The following CTNNA3 variants were observed in gnomAD, a reference collection of about 807,000 sequenced individuals.
CTNNA3 encodes the protein catenin alpha 3.
CTNNA3 carries 76 observed loss-of-function variants against 95.7 expected under a neutral mutation model. The ratio of observed to expected loss-of-function variants is 0.79; its 90% confidence interval spans 0.66 to 0.96. CTNNA3 has a LOEUF of 0.96. CTNNA3 is among the 40% of genes least tolerant of loss of function. CTNNA3 has a pLI of 0.00. For missense variants in CTNNA3, 1,191 were observed against 1,089.8 expected (o/e 1.09, Z -1.31); for synonymous variants, 431 against 374.4 (o/e 1.15, Z -1.74).
At chr10:66,767,443 C>CCACT (rs1204852898) in intron 8 of CTNNA3, among the ~76,000 whole-genome samples, 1 of 120,046 alleles carries the variant, frequency 8.3e-6, no homozygotes, top group Non-Finnish European at 1.7e-5. Context: ...GAGACTCCAT[C>CCACT]CACTCCCCCC....
chr10:66,733,195 T>C (rs1849019081), intron 9 of CTNNA3, among the ~76,000 whole-genome samples: 1 of 152,204 alleles, frequency 6.6e-6, no homozygotes, highest in Admixed American at 6.5e-5. Context: ...ACAAATATCT[T>C]CTTTCTTTGC....
Position 67,004,842 on chromosome 10 carries a change from T to C in CTNNA3, c.1047+175475A>G, listed in dbSNP as rs1851880539. On this transcript the variant is annotated intron_variant, in intron 7 of 17. Transcript: ENST00000433211. ...CTTTGTTTAAACATATACAACTATG[T>C]ATGTTCAGTCTGACAAAGCCACCAC... Among the ~76,000 whole-genome samples the C allele has an allele frequency of 5.3e-5, 8 of 152,324 alleles. No homozygotes were observed. In the South Asian group the frequency reaches 1.7e-3, roughly 32 times the overall value.
chr10:66,315,938 G>T (rs2092094884), intron 12 of CTNNA3, among the ~76,000 whole-genome samples: 1 of 152,054 alleles, frequency 6.6e-6, no homozygotes, highest in Non-Finnish European at 1.5e-5. Flanking sequence ...ATCATAACTT[G>T]TAGGAAATCC....
rs1235733192 is a variant in CTNNA3, at chr10:67,392,155, A to T, written c.579+129687T>A. Among the ~76,000 whole-genome samples, 11 of 152,336 alleles carry T rather than the reference A, an allele frequency of 7.2e-5. 1 individual carries two copies. Among genetic ancestry groups the T allele is most frequent in the Admixed American group, 2.6e-4 (4 of 15,298 alleles). ...GGGAGAAAATTTTCACAACCTACTC[A>T]TCTGACAAAGGGCTAATATCCAGAA... is the stretch of plus-strand genomic sequence containing the variant. On this transcript the variant is annotated intron_variant, in intron 5 of 17. Coordinates refer to ENST00000433211, the MANE Select transcript of CTNNA3 (RefSeq NM_013266.4).
At chr10:66,445,498 T>C (rs1217579832) in intron 11 of CTNNA3, among the ~76,000 whole-genome samples, 1 of 151,920 alleles carries the variant, frequency 6.6e-6, no homozygotes, top group Non-Finnish European at 1.5e-5. Flanking sequence ...GCAATCAAAC[T>C]AGAAGGCAGG....
chr10:67,365,782 T>G (rs1425025201), intron 5 of CTNNA3, among the ~76,000 whole-genome samples: 1 of 152,064 alleles, frequency 6.6e-6, no homozygotes, highest in African/African-American at 2.4e-5. Flanking sequence ...TTGATGGGAG[T>G]GTAAATTAGT....
chr10:67,636,881 G>A (rs1268985396), intron 2 of CTNNA3, among the ~76,000 whole-genome samples: 1 of 152,108 alleles, frequency 6.6e-6, no homozygotes, highest in Non-Finnish European at 1.5e-5. Context: ...CATCATCAAA[G>A]ACCAAAGGTA....
At chr10:66,256,682 T>C (rs1283183127) in intron 13 of CTNNA3, among the ~76,000 whole-genome samples, 1 of 151,428 alleles carries the variant, frequency 6.6e-6, no homozygotes, top group African/African-American at 2.4e-5. Flanking sequence ...AATTGTGCCA[T>C]AGCATTCCAG....
chr10:65,988,041 GA>G lies in CTNNA3; in HGVS notation c.2265+650del, dbSNP rs367601259. On this transcript the variant is annotated intron_variant, in intron 16 of 17. Transcript: ENST00000433211. Reference sequence around the variant, plus strand: ...ATCAGGGGCAGGGAAGAGTAGCGGAGAGGGGAAGATAAAAATAAGTTGGTTA... The same window carrying G: ...ATCAGGGGCAGGGAAGAGTAGCGGAGGGGGAAGATAAAAATAAGTTGGTTA... 4.4e-4 allele frequency among the ~76,000 whole-genome samples: 67 copies of G among 152,216 alleles called. 1 individual carries two copies. The highest frequency in any genetic ancestry group is 1.2e-3 in the African/African-American group (50 of 41,568).
intron 1 of CTNNA3, among the ~76,000 whole-genome samples, chr10:67,714,405 C>G (rs1053457191): frequency 3.3e-5 from 5 of 152,212 alleles, no homozygotes; most frequent in Non-Finnish European, 7.3e-5. Context: ...GATTTGACTG[C>G]CTTGCTGGCT....
intron 7 of CTNNA3, among the ~76,000 whole-genome samples, chr10:66,962,916 TG>T (rs1849198718): frequency 6.6e-6 from 1 of 152,176 alleles, no homozygotes; most frequent in Admixed American, 6.5e-5. Context: ...TTGCCTGGTA[TG>T]TTCACAGATC....
At chr10:66,649,178 C>G (rs6480189) in intron 9 of CTNNA3, among the ~76,000 whole-genome samples, 100,332 of 151,924 alleles carry the variant, frequency 0.66, 34,023 homozygotes, top group East Asian at 0.95. Context: ...GTGGAGAATG[C>G]GACTGAAGTT....
intron 7 of CTNNA3, among the ~76,000 whole-genome samples, chr10:67,029,109 T>C (rs1198295333): frequency 6.6e-6 from 1 of 152,224 alleles, no homozygotes; most frequent in African/African-American, 2.4e-5. Flanking sequence ...TGCTGATCTT[T>C]CTTTATGTCT....
intron 5 of CTNNA3, among the ~76,000 whole-genome samples, chr10:67,416,438 C>T (rs1845542776): frequency 6.6e-6 from 1 of 151,600 alleles, no homozygotes; most frequent in Non-Finnish European, 1.5e-5. Flanking sequence ...GAAACCCTGT[C>T]TCTACTAAAA....
intron 7 of CTNNA3, among the ~76,000 whole-genome samples, chr10:67,082,542 C>G (rs983444618): frequency 6.6e-6 from 1 of 152,148 alleles, no homozygotes; most frequent in Non-Finnish European, 1.5e-5. Flanking sequence ...TTGAGAATCA[C>G]TTTCTTTCCT....
chr10:66,845,703 C>CAAAAAAAAAAAAAAAAAAAA (rs61085873), intron 7 of CTNNA3, among the ~76,000 whole-genome samples: 14 of 23,530 alleles, frequency 5.9e-4, no homozygotes, highest in African/African-American at 9.2e-4. Flanking sequence ...AACTCTGTCT[C>CAAAAAAAAAAAAAAAAAAAA]AAAAAAAAAA....
intron 7 of CTNNA3, among the ~76,000 whole-genome samples, chr10:66,921,524 C>T (rs1461403299): frequency 1.3e-5 from 2 of 152,182 alleles, no homozygotes; most frequent in Non-Finnish European, 2.9e-5. Context: ...CACTTGGTCT[C>T]TCCATTCTAG....
intron 11 of CTNNA3, among the ~76,000 whole-genome samples, chr10:66,499,176 C>A (rs1589338098): frequency 6.6e-6 from 1 of 152,256 alleles, no homozygotes; most frequent in East Asian, 1.9e-4. Context: ...CTACTAACTT[C>A]TGGTGGGAGA....
intron 12 of CTNNA3, among the ~76,000 whole-genome samples, chr10:66,343,565 G>C (rs2092474800): frequency 6.6e-6 from 1 of 151,942 alleles, no homozygotes; most frequent in Non-Finnish European, 1.5e-5. Flanking sequence ...GAGGATACTG[G>C]GGCTGGGAAA....
Sources: allele counts gnomAD v4.1 joint callset (sites outside exome capture counted in the v4.1 genomes callset), GRCh38; gene constraint gnomAD v4.1.1; transcripts MANE v1.5; gene names NCBI Gene and HGNC (gene_info 2026-07-23, HGNC 2026-07-21).